The following ELK3 variants were observed in gnomAD, a reference collection of about 807,000 sequenced individuals.
ELK3 encodes ETS transcription factor ELK3.
A neutral mutation model predicts 28.9 loss-of-function variants in ELK3; 10 were observed. The observed-to-expected ratio is 0.35, with a 90% CI of 0.21 to 0.59. The LOEUF is 0.59. Ranked by LOEUF, ELK3 falls within the 20% of genes least tolerant of loss-of-function variation. The pLI, the probability that ELK3 is intolerant of heterozygous loss-of-function variation, is 0.82. For missense variants in ELK3, 463 were observed against 517.3 expected (o/e 0.90, Z 1.02); for synonymous variants, 272 against 243.5 (o/e 1.12, Z -1.09).
chr12:96,230,579 C>G (rs1037060359), intron 2 of ELK3, among the ~76,000 whole-genome samples: 5 of 152,078 alleles, frequency 3.3e-5, no homozygotes, highest in Admixed American at 6.6e-5. Flanking sequence ...GAGCCAAGTC[C>G]CCAGGGTGGA....
chr12:96,246,823 A>G (rs1318910376), intron 2 of ELK3, 117 bp from the exon 3 acceptor site: 6 of 1,083,466 alleles, frequency 5.5e-6, no homozygotes, highest in Non-Finnish European at 6.5e-6. Context: ...TCCTTAGCCA[A>G]GAATGTAAAT....
rs145179011 is a variant in ELK3, at chr12:96,247,581, G to A, written c.849G>A (p.Lys283=). The A allele has an allele frequency of 1.9e-5, 31 of 1,613,838 alleles. No individual in the cohort carries two copies. The highest frequency in any genetic ancestry group is 3.4e-6 in the Non-Finnish European group (4 of 1,180,044). Reference sequence around the variant, plus strand: ...ACCTGTCATCGGGCTCCAAGACCAAGTCTCCATCTCTTCCCCCAAAGGCCA... The same window carrying A: ...ACCTGTCATCGGGCTCCAAGACCAAATCTCCATCTCTTCCCCCAAAGGCCA... ...PLNLSSGSKT[K]SPSLPPKAKK... The change falls in exon 3 of 5, where the codon AAG becomes AAA. Residue 283 remains lysine (K), a synonymous_variant. Coordinates refer to ENST00000228741, the MANE Select transcript of ELK3 (RefSeq NM_005230.4). The surrounding 1 kb of genome is among the most constrained non-coding windows in gnomAD (Gnocchi z 5.5).
At chr12:96,217,769 C>T (rs962774743) in intron 1 of ELK3, among the ~76,000 whole-genome samples, 9 of 151,980 alleles carry the variant, frequency 5.9e-5, no homozygotes. Context: ...AACCCTGTCT[C>T]CACTAAAAAT....
At chr12:96,260,199 T>A (rs1448161398) in intron 4 of ELK3, among the ~76,000 whole-genome samples, 1 of 152,178 alleles carries the variant, frequency 6.6e-6, no homozygotes, top group East Asian at 1.9e-4. Flanking sequence ...ATCCCAGCAC[T>A]TTGGGAGGTT....
intron 3 of ELK3, among the ~76,000 whole-genome samples, chr12:96,251,109 A>G (rs1256708895): frequency 2.0e-5 from 3 of 152,170 alleles, no homozygotes; most frequent in Non-Finnish European, 4.4e-5. Flanking sequence ...AACAGCACAC[A>G]CTCACTCCGT....
intron 1 of ELK3, among the ~76,000 whole-genome samples, chr12:96,215,998 A>T (rs1159442151): frequency 1.3e-5 from 2 of 152,152 alleles, no homozygotes; most frequent in Non-Finnish European, 2.9e-5. Context: ...AAGGGCAGAA[A>T]ATAATCACTC....
At chr12:96,255,147 T>C (rs1332056622) in intron 3 of ELK3, among the ~76,000 whole-genome samples, 2 of 151,808 alleles carry the variant, frequency 1.3e-5, no homozygotes, top group African/African-American at 4.8e-5. Context: ...GGGAGTGCCG[T>C]CAGCAGGAGT....
intron 4 of ELK3, among the ~76,000 whole-genome samples, chr12:96,265,204 T>C (rs1456717795): frequency 6.6e-6 from 1 of 152,102 alleles, no homozygotes; most frequent in African/African-American, 2.4e-5. Flanking sequence ...AAGAGCCTAA[T>C]AAAGATGACT....
chr12:96,210,265 G>T (rs1951567015), intron 1 of ELK3, among the ~76,000 whole-genome samples: 1 of 152,098 alleles, frequency 6.6e-6, no homozygotes, highest in African/African-American at 2.4e-5. Flanking sequence ...GGGGCATGTT[G>T]TGGTCCTCCA....
Position 96,267,228 on chromosome 12 carries a change from G to A in ELK3, c.*48G>A. 1 of 1,535,024 alleles carries A rather than the reference G, an allele frequency of 6.5e-7. No homozygotes were observed. Among genetic ancestry groups the A allele is most frequent in the Non-Finnish European group, 8.9e-7 (1 of 1,124,052 alleles). The stretch of plus-strand genomic sequence containing the variant: ...ACTCATTAACTGATGAAACAAATTT[G>A]TCCCCACGGGCTAGTTTACCTGTGT... On this transcript the variant is annotated 3_prime_UTR_variant, in exon 5 of 5. Coordinates refer to ENST00000228741, the MANE Select transcript of ELK3 (RefSeq NM_005230.4).
chr12:96,215,020 C>T (rs1024947790), intron 1 of ELK3, among the ~76,000 whole-genome samples: 3 of 151,686 alleles, frequency 2.0e-5, no homozygotes, highest in East Asian at 1.9e-4. Flanking sequence ...ATTTAACAAA[C>T]GAAAAAAGAC....
Position 96,267,187 on chromosome 12 carries a change from C to T in ELK3, c.*7C>T, listed in dbSNP as rs367548711. ...AAACTCTCAGAAATCCTGATGACGT[C>T]TGGCCACAATTAAGGACTCATTAAC... On this transcript the variant is annotated 3_prime_UTR_variant, in exon 5 of 5. Coordinates refer to ENST00000228741, the MANE Select transcript of ELK3 (RefSeq NM_005230.4). The T allele has an allele frequency of 2.3e-5, 37 of 1,610,548 alleles. No homozygotes were observed. The African/African-American group carries it at 4.7e-4, about 20-fold the overall frequency.
At chr12:96,223,325 G>C (rs1565781722) in intron 1 of ELK3, among the ~76,000 whole-genome samples, 1 of 152,210 alleles carries the variant, frequency 6.6e-6, no homozygotes, top group Non-Finnish European at 1.5e-5. Context: ...GACATGTGGT[G>C]AATAGAGGAG....
At chr12:96,259,472 G>C (rs1400180737) in intron 3 of ELK3, among the ~76,000 whole-genome samples, 1 of 152,178 alleles carries the variant, frequency 6.6e-6, no homozygotes, top group African/African-American at 2.4e-5. Context: ...CTTAAACCCA[G>C]GAAGTGGAGG....
At chr12:96,262,094 C>A (rs1341367238) in intron 4 of ELK3, among the ~76,000 whole-genome samples, 1 of 149,778 alleles carries the variant, frequency 6.7e-6, no homozygotes, top group Non-Finnish European at 1.5e-5. Context: ...TCTCTGCTCA[C>A]TGCAATTTCC....
At chr12:96,230,015 A>G (rs1951729581) in intron 2 of ELK3, among the ~76,000 whole-genome samples, 1 of 152,184 alleles carries the variant, frequency 6.6e-6, no homozygotes, top group South Asian at 2.1e-4. Flanking sequence ...TAACACCTCC[A>G]TATACAGTCA....
At chr12:96,228,416 CAAAAAAAAAAA>C (rs71091236) in intron 2 of ELK3, among the ~76,000 whole-genome samples, 10 of 68,328 alleles carry the variant, frequency 1.5e-4, no homozygotes, top group Middle Eastern at 8.5e-3. Flanking sequence ...GACTCTGTGT[CAAAAAAAAAAA>C]AAAAAAAAAA....
intron 1 of ELK3, among the ~76,000 whole-genome samples, chr12:96,197,517 T>G (rs1466171572): frequency 6.6e-6 from 1 of 152,220 alleles, no homozygotes; most frequent in Non-Finnish European, 1.5e-5. Flanking sequence ...ATACGTAACA[T>G]AGCATTCATG....
Position 96,247,597 on chromosome 12 carries a change from C to G in ELK3, c.865C>G (p.Pro289Ala), listed in dbSNP as rs750640429. ...CAAGACCAAGTCTCCATCTCTTCCC[C>G]CAAAGGCCAAAAAACCCAAAGGCTT... ...GSKTKSPSLPPKAKKPKGLEI... is the reference protein window; with the variant it reads ...GSKTKSPSLPAKAKKPKGLEI... Residue 289 changes from proline (P) to alanine (A), a missense_variant, in exon 3 of 5, where the codon CCA (proline) becomes GCA (alanine). Physicochemically the swap from Pro to Ala is conservative, Grantham distance 27 (BLOSUM62 -1). Around this residue, in one of 2 missense-constraint regions of ELK3, gnomAD observed 408 missense variants for 414.8 expected, o/e 0.98. Coordinates refer to ENST00000228741, the MANE Select transcript of ELK3 (RefSeq NM_005230.4). The surrounding 1 kb of genome is among the most constrained non-coding windows in gnomAD (Gnocchi z 5.5). 9 of 1,613,834 alleles carry G rather than the reference C, an allele frequency of 5.6e-6. No individual in the cohort carries two copies. Among genetic ancestry groups the G allele is most frequent in the South Asian group, 4.4e-5 (4 of 91,082 alleles).
Sources: gnomAD v4.1 joint callset for allele counts (sites outside exome capture counted in the v4.1 genomes callset) on GRCh38, gnomAD v4.1.1 for gene constraint, gnomAD v4.1.1 regional missense constraint, Gnocchi (gnomAD v3.1) non-coding constraint, MANE v1.5 for transcripts, NCBI Gene and HGNC (gene_info 2026-07-23, HGNC 2026-07-21) for gene names.